Variants in NLN observed in about 807,000 individuals in gnomAD.
The protein encoded by NLN is neurolysin, mitochondrial.
Under a neutral mutation model 79.9 loss-of-function variants are expected in NLN, and 64 were observed. The observed-to-expected ratio is 0.80, with a 90% CI of 0.65 to 0.99. NLN has a LOEUF of 0.99. Among genes scored for constraint, NLN ranks in the 50% least tolerant of loss-of-function variants. The probability of loss-of-function intolerance (pLI) is 0.00; values close to 1 mark genes in which losing one functional copy is unlikely to be tolerated. For synonymous variants in NLN, 267 were observed against 296.6 expected (o/e 0.90, Z 1.02); for missense variants, 835 against 858.7 (o/e 0.97, Z 0.34).
chr5:65,764,393 G>A (rs1338936811), intron 3 of NLN, among the ~76,000 whole-genome samples: 1 of 152,178 alleles, frequency 6.6e-6, no homozygotes, highest in Non-Finnish European at 1.5e-5. Flanking sequence ...CAGGCATGGT[G>A]GCAAGCACCT....
At chr5:65,722,843 C>A (rs1257475728) in intron 1 of NLN, 1 of 164,842 alleles carries the variant, frequency 6.1e-6, no homozygotes, top group East Asian at 1.7e-4. Flanking sequence ...CGTTTAACAT[C>A]CACCCGAGAT....
intron 9 of NLN, among the ~76,000 whole-genome samples, chr5:65,798,380 A>G (rs531210367): frequency 6.6e-6 from 1 of 152,290 alleles, no homozygotes; most frequent in Admixed American, 6.5e-5. Flanking sequence ...ACTATTATTC[A>G]TGGTCTGAAT....
intron 9 of NLN, among the ~76,000 whole-genome samples, chr5:65,808,911 C>T (rs1382179340): frequency 6.6e-6 from 1 of 152,238 alleles, no homozygotes; most frequent in Non-Finnish European, 1.5e-5. Flanking sequence ...TAGAACCACT[C>T]ATTTAAAGTT....
intron 1 of NLN, among the ~76,000 whole-genome samples, chr5:65,754,155 C>G (rs1759164849): frequency 6.6e-6 from 1 of 152,184 alleles, no homozygotes; most frequent in African/African-American, 2.4e-5. Context: ...AGGGGACTTA[C>G]TGACTCATAA....
At chr5:65,750,157 A>C (rs1218440635) in intron 1 of NLN, among the ~76,000 whole-genome samples, 1 of 152,244 alleles carries the variant, frequency 6.6e-6, no homozygotes, top group Non-Finnish European at 1.5e-5. Context: ...GAATGGGATC[A>C]TCCAGTCAGT....
chr5:65,818,100 A>G (rs1485624631), intron 12 of NLN, among the ~76,000 whole-genome samples: 1 of 152,182 alleles, frequency 6.6e-6, no homozygotes, highest in Non-Finnish European at 1.5e-5. Context: ...TTGAATATTT[A>G]CAAGGCCAGG....
chr5:65,807,512 C>G (rs979170838), intron 9 of NLN, among the ~76,000 whole-genome samples: 2 of 151,892 alleles, frequency 1.3e-5, no homozygotes, highest in African/African-American at 4.8e-5. Flanking sequence ...GCTATCTTGG[C>G]TCACTGCAAC....
intron 2 of NLN, among the ~76,000 whole-genome samples, chr5:65,762,626 C>T (rs1415933344): frequency 6.6e-6 from 1 of 151,560 alleles, no homozygotes. Context: ...TTGCTTGAGC[C>T]TGGGAGGTTG....
chr5:65,751,748 T>A (rs1349438799), intron 1 of NLN, among the ~76,000 whole-genome samples: 1 of 152,190 alleles, frequency 6.6e-6, no homozygotes, highest in African/African-American at 2.4e-5. Flanking sequence ...TCAGAATAAC[T>A]ATGGCATACT....
chr5:65,746,306 A>G (rs1050090353), intron 1 of NLN, among the ~76,000 whole-genome samples: 2 of 152,256 alleles, frequency 1.3e-5, no homozygotes, highest in African/African-American at 4.8e-5. Flanking sequence ...AATCATTATC[A>G]CAAAAGCCCA....
chr5:65,746,842 A>T (rs953040401), intron 1 of NLN, among the ~76,000 whole-genome samples: 1 of 151,872 alleles, frequency 6.6e-6, no homozygotes, highest in Non-Finnish European at 1.5e-5. Flanking sequence ...GTCTCTACTA[A>T]AAGTACAAAA....
intron 1 of NLN, among the ~76,000 whole-genome samples, chr5:65,745,677 A>T (rs1361471147): frequency 2.6e-5 from 4 of 152,238 alleles, no homozygotes; most frequent in Admixed American, 6.5e-5. Context: ...CATAGATATG[A>T]GAGCAAAAGG....
At chr5:65,788,659 G>A (rs1759991037) in intron 8 of NLN, among the ~76,000 whole-genome samples, 175 bp downstream of exon 8, 1 of 151,976 alleles carries the variant, frequency 6.6e-6, no homozygotes. Flanking sequence ...AACATAGTGA[G>A]GCCCTGTCTC....
At chr5:65,780,120 CT>C in intron 4 of NLN, 58 bp from the exon 5 acceptor site, 2 of 752,594 alleles carry the variant, frequency 2.7e-6, no homozygotes, top group Non-Finnish European at 2.3e-6. Flanking sequence ...GCCACCGTGC[CT>C]GGCAAAAAAT....
chr5:65,819,796 C>T (rs904083589), intron 12 of NLN, among the ~76,000 whole-genome samples: 3 of 152,180 alleles, frequency 2.0e-5, no homozygotes, highest in African/African-American at 7.2e-5. Context: ...CGTTCTCTCA[C>T]ACAAAAGAGC....
At chr5:65,783,292 C>T (rs6874910) in intron 6 of NLN, among the ~76,000 whole-genome samples, 12,278 of 152,056 alleles carry the variant, frequency 0.081, 1,577 homozygotes, top group African/African-American at 0.27. Flanking sequence ...GATTTTACCA[C>T]AATTTTTTTT....
chr5:65,804,802 A>G (rs1443140335), intron 9 of NLN, among the ~76,000 whole-genome samples: 2 of 152,098 alleles, frequency 1.3e-5, no homozygotes, highest in African/African-American at 4.8e-5. Flanking sequence ...AAGTTCTGGG[A>G]TTACAGATGT....
At chr5:65,787,505 A>G (rs1759956658) in intron 7 of NLN, among the ~76,000 whole-genome samples, 1 of 152,148 alleles carries the variant, frequency 6.6e-6, no homozygotes, top group Non-Finnish European at 1.5e-5. Flanking sequence ...AAAAATAAAT[A>G]CATAAGACCA....
chr5:65,811,925 T>C (rs1197474965), intron 11 of NLN, among the ~76,000 whole-genome samples: 2 of 152,210 alleles, frequency 1.3e-5, no homozygotes, highest in African/African-American at 4.8e-5. Context: ...ATATTATTTT[T>C]CAAAACACAT....
Sources: allele counts gnomAD v4.1 joint callset (sites outside exome capture counted in the v4.1 genomes callset), GRCh38; gene constraint gnomAD v4.1.1; transcripts MANE v1.5; gene names NCBI Gene and HGNC (gene_info 2026-07-23, HGNC 2026-07-21).